CREBBP: variants seen among roughly 807,000 people sequenced by gnomAD.
CREBBP encodes the protein CREB binding lysine acetyltransferase.
Under a neutral mutation model 265.0 loss-of-function variants are expected in CREBBP, and 19 were observed. That is an observed-to-expected ratio of 0.07 (90% CI 0.05 to 0.11). The LOEUF (loss-of-function observed/expected upper bound fraction) is 0.11, where lower values mean the gene tolerates loss of function less well. Ranked by LOEUF, CREBBP falls within the 10% of genes least tolerant of loss-of-function variation. The pLI is 1.00. For missense variants in CREBBP, 2,525 were observed against 3,219.0 expected (o/e 0.78, Z 5.22); for synonymous variants, 1,457 against 1,223.7 (o/e 1.19, Z -3.98).
intron 26 of CREBBP, among the ~76,000 whole-genome samples, chr16:3,738,085 C>CT (rs1337640523): frequency 4.0e-5 from 6 of 151,064 alleles, no homozygotes; most frequent in African/African-American, 7.3e-5. Flanking sequence ...CGCGCCCGGC[C>CT]TTTTTTTTAA....
chr16:3,831,959 T>C (rs1409138978), intron 2 of CREBBP, among the ~76,000 whole-genome samples: 1 of 151,554 alleles, frequency 6.6e-6, no homozygotes, highest in African/African-American at 2.4e-5. Context: ...ATGATGCCAC[T>C]GTACTCCAGC....
Position 3,780,882 on chromosome 16 carries a change from A to C in CREBBP, c.1677-4T>G, listed in dbSNP as rs892849126. 5 of 1,613,140 alleles carry C rather than the reference A, an allele frequency of 3.1e-6. No homozygotes were observed. In the African/African-American group the frequency reaches 6.7e-5, roughly 22 times the overall value. ...GGAGCCATCGTTCATCAGTGGGCTA[A>C]GGAGGAAATAAAGACACTTCATCCA... On this transcript the variant is annotated splice_polypyrimidine_tract_variant and splice_region_variant and intron_variant, in intron 7 of 30. Coordinates refer to ENST00000262367, the MANE Select transcript of CREBBP (RefSeq NM_004380.3).
Position 3,729,172 on chromosome 16 carries a change from C to A in CREBBP, c.5875G>T (p.Ala1959Ser), listed in dbSNP as rs2151307593. The A allele has an allele frequency of 6.5e-7, 1 of 1,538,430 alleles. No homozygotes were observed. The highest frequency in any genetic ancestry group is 2.4e-5 in the East Asian group (1 of 41,062). Reference protein sequence around the residue: ...AQPPPAAVEAARQIEREAQQQ... With the variant: ...AQPPPAAVEASRQIEREAQQQ... ...TGGGCCTCACGCTCGATCTGCCGAG[C>A]CGCTTCCACCGCTGCAGGAGGGGGC... The change falls in exon 31 of 31, where the codon GCT (alanine) becomes TCT (serine). Residue 1959 changes from alanine (A) to serine (S), a missense_variant. By Grantham distance (99) the Ala-to-Ser change is moderately conservative (BLOSUM62 1). Around this residue, in one of 19 missense-constraint regions of CREBBP, gnomAD observed 275 missense variants for 276.5 expected, o/e 0.99. Transcript: ENST00000262367.
At chr16:3,814,816 G>C (rs537701256) in intron 2 of CREBBP, among the ~76,000 whole-genome samples, 1 of 152,316 alleles carries the variant, frequency 6.6e-6, no homozygotes, top group South Asian at 2.1e-4. Context: ...TTTAGCCTAT[G>C]ATAAAAACAA....
chr16:3,749,027 G>A (rs1047370493), intron 21 of CREBBP, among the ~76,000 whole-genome samples: 8 of 152,020 alleles, frequency 5.3e-5, no homozygotes, highest in African/African-American at 1.9e-4. Context: ...GGCGCCTGTA[G>A]TCCCAGCTAC....
chr16:3,742,072 C>A (rs1246241851), intron 23 of CREBBP: 1 of 151,622 alleles, frequency 6.6e-6, no homozygotes, highest in Non-Finnish European at 1.5e-5. Context: ...CAGAGCGAGA[C>A]TCTGTCTGCA....
Position 3,736,208 on chromosome 16 carries a change from G to A in CREBBP, c.4561-5C>T. 1 of 1,614,180 alleles carries A rather than the reference G, an allele frequency of 6.2e-7. No individual in the cohort carries two copies. ...AGTTGCTTGTTTGAAAATATCCTGAGTGGGCAAAGCACAACAGTGAGATGA... is the reference window on the plus strand; with the variant it reads ...AGTTGCTTGTTTGAAAATATCCTGAATGGGCAAAGCACAACAGTGAGATGA... On this transcript the variant is annotated splice_region_variant and splice_polypyrimidine_tract_variant and intron_variant, in intron 27 of 30. Transcript: ENST00000262367.
intron 2 of CREBBP, among the ~76,000 whole-genome samples, chr16:3,818,999 C>T (rs983876180): frequency 5.9e-5 from 9 of 152,260 alleles, no homozygotes; most frequent in Non-Finnish European, 1.2e-4. Context: ...CCCCGCTTAA[C>T]GCAACTCTGT....
chr16:3,796,019 T>A (rs903248175), intron 3 of CREBBP, among the ~76,000 whole-genome samples: 10 of 152,328 alleles, frequency 6.6e-5, no homozygotes, highest in Admixed American at 6.5e-4. Context: ...TGTATTTGGT[T>A]GTTTTTAAGG....
At chr16:3,875,239 C>A (rs1222752774) in intron 1 of CREBBP, among the ~76,000 whole-genome samples, 1 of 152,212 alleles carries the variant, frequency 6.6e-6, no homozygotes, top group Non-Finnish European at 1.5e-5. Flanking sequence ...AGGCGCCCTG[C>A]ACATGACTTG....
At chr16:3,748,993 A>G (rs1025458023) in intron 21 of CREBBP, among the ~76,000 whole-genome samples, 2 of 152,116 alleles carry the variant, frequency 1.3e-5, no homozygotes, top group African/African-American at 4.8e-5. Flanking sequence ...TAAAAATACA[A>G]AAAATTAGCC....
At chr16:3,748,713 G>C (rs536799342) in intron 21 of CREBBP, among the ~76,000 whole-genome samples, 26 of 152,334 alleles carry the variant, frequency 1.7e-4, no homozygotes, top group Non-Finnish European at 2.9e-4. Context: ...GTATCGCCAT[G>C]CCAATTTGGA....
chr16:3,786,669 G>GT, intron 5 of CREBBP, among the ~76,000 whole-genome samples: 1 of 152,318 alleles, frequency 6.6e-6, no homozygotes, highest in East Asian at 1.9e-4. Context: ...CGAAACTTGT[G>GT]TATGGGGAAG....
intron 1 of CREBBP, among the ~76,000 whole-genome samples, chr16:3,861,141 G>A (rs940523665): frequency 9.2e-5 from 14 of 152,064 alleles, no homozygotes; most frequent in African/African-American, 2.9e-4. Flanking sequence ...AATTAGCTGG[G>A]CGTGGTGGCA....
intron 4 of CREBBP, among the ~76,000 whole-genome samples, 153 bp downstream of exon 4, chr16:3,793,233 C>T (rs983527167): frequency 2.6e-5 from 4 of 152,176 alleles, no homozygotes; most frequent in African/African-American, 9.7e-5. Flanking sequence ...ACTGTCGTCG[C>T]GTGGGGAACG....
chr16:3,838,218 G>A (rs192175646), intron 2 of CREBBP, among the ~76,000 whole-genome samples: 7 of 152,222 alleles, frequency 4.6e-5, no homozygotes, highest in African/African-American at 1.7e-4. Flanking sequence ...TAAACACTTA[G>A]CATTGTGGCA....
Position 3,731,111 on chromosome 16 carries a change from C to G in CREBBP, c.5172+81G>C, listed in dbSNP as rs2151315328. 6.8e-7 allele frequency: 1 copy of G among 1,472,934 alleles called. No homozygotes were observed. The highest frequency in any genetic ancestry group is 1.2e-5 in the South Asian group (1 of 82,284). 91.2% of individuals were successfully genotyped at this position (1,472,934 alleles called of 1,614,324 possible). ...AGCCACCATCAGGTACAGACACCAA[C>G]CCGGGCACCCATGCAAAGGGACAGG... is the stretch of plus-strand genomic sequence containing the variant. On this transcript the variant is annotated intron_variant, in intron 30 of 30. Coordinates refer to ENST00000262367, the MANE Select transcript of CREBBP (RefSeq NM_004380.3). The surrounding 1 kb of genome is among the most constrained non-coding windows in gnomAD (Gnocchi z 7.7).
chr16:3,760,153 A>G (rs976658143), intron 16 of CREBBP, among the ~76,000 whole-genome samples: 1 of 152,088 alleles, frequency 6.6e-6, no homozygotes, highest in African/African-American at 2.4e-5. Flanking sequence ...GGACAATGGC[A>G]TCATCTCAGC....
chr16:3,815,163 A>G (rs910625766), intron 2 of CREBBP, among the ~76,000 whole-genome samples: 2 of 152,260 alleles, frequency 1.3e-5, no homozygotes, highest in African/African-American at 4.8e-5. Flanking sequence ...TCTTAGGACC[A>G]ATGCCCAAAA....
Sources: allele counts gnomAD v4.1 joint callset (sites outside exome capture counted in the v4.1 genomes callset), GRCh38; gene constraint gnomAD v4.1.1; regional missense constraint gnomAD v4.1.1; non-coding constraint Gnocchi (gnomAD v3.1); transcripts MANE v1.5; gene names NCBI Gene and HGNC (gene_info 2026-07-23, HGNC 2026-07-21).